Variants in SDK1 observed in about 807,000 individuals in gnomAD.
The protein encoded by SDK1 is protein sidekick-1.
In SDK1, 157 loss-of-function variants were observed where a neutral mutation model predicts 245.5. The observed-to-expected ratio is 0.64, with a 90% CI of 0.56 to 0.73. The LOEUF (loss-of-function observed/expected upper bound fraction) is 0.73, where lower values mean the gene tolerates loss of function less well. SDK1 is among the 30% of genes least tolerant of loss of function. The probability of loss-of-function intolerance (pLI) is 0.00; values close to 1 mark genes in which losing one functional copy is unlikely to be tolerated. For synonymous variants in SDK1, 1,647 were observed against 1,278.5 expected (o/e 1.29, Z -6.15); for missense variants, 3,583 against 3,002.3 (o/e 1.19, Z -4.52).
At chr7:3,654,029 T>A (rs1196324720) in intron 4 of SDK1, among the ~76,000 whole-genome samples, 1 of 152,144 alleles carries the variant, frequency 6.6e-6, no homozygotes, top group Non-Finnish European at 1.5e-5. Context: ...GTAAAAAACG[T>A]TCATCTTTCT....
chr7:4,257,762 G>A (rs1372097965), intron 44 of SDK1, among the ~76,000 whole-genome samples: 1 of 152,188 alleles, frequency 6.6e-6, no homozygotes, highest in Admixed American at 6.5e-5. Flanking sequence ...GGGTCTGTGG[G>A]CACTGGCCAC....
chr7:3,811,343 A>G (rs140077635), intron 4 of SDK1, among the ~76,000 whole-genome samples: 2 of 152,280 alleles, frequency 1.3e-5, no homozygotes, highest in Non-Finnish European at 2.9e-5. Context: ...AAGACAGAAT[A>G]TCATGGTGTC....
intron 4 of SDK1, among the ~76,000 whole-genome samples, chr7:3,797,037 C>T (rs1399430091): frequency 1.3e-5 from 2 of 150,238 alleles, no homozygotes; most frequent in Non-Finnish European, 3.0e-5. Flanking sequence ...CAGGGTCTTG[C>T]TCTGTGTCCT....
chr7:3,438,699 C>G (rs143058309), intron 1 of SDK1, among the ~76,000 whole-genome samples: 1 of 152,278 alleles, frequency 6.6e-6, no homozygotes, highest in Non-Finnish European at 1.5e-5. Context: ...GTTTTTGATT[C>G]TTTCTTTCCT....
Position 3,302,629 on chromosome 7 carries a change from G to A in SDK1, c.298+745G>A, listed in dbSNP as rs114156051. On this transcript the variant is annotated intron_variant, in intron 1 of 44. Transcript: ENST00000404826. ...TTCCCTCCACCCCCTCCCCGCCCCC[G>A]ACAAAACCCGTAACGTACCCCTGCC... is the stretch of plus-strand genomic sequence containing the variant. Among the ~76,000 whole-genome samples, 671 of 99,368 alleles carry A rather than the reference G, an allele frequency of 6.8e-3. 6 individuals are homozygous for A. Among genetic ancestry groups the A allele is most frequent in the African/African-American group, 0.024 (641 of 26,170 alleles). 65.2% of individuals were successfully genotyped at this position (99,368 alleles called of 152,430 possible). A position where few individuals can be genotyped will look rare whatever the true frequency, so the allele number is the denominator to read the frequency against.
rs565628615 is a variant in SDK1, at chr7:3,549,447, G to T, written c.299-69633G>T. On this transcript the variant is annotated intron_variant, in intron 1 of 44. Transcript: ENST00000404826. ...TATCTTAACTTAAAAATTTTAATAT[G>T]CTAAATATCCATGTGCCAAAGGAAA... is the stretch of plus-strand genomic sequence containing the variant. Among the ~76,000 whole-genome samples, 166 of 152,068 alleles carry T rather than the reference G, an allele frequency of 1.1e-3. 1 individual carries two copies. Among genetic ancestry groups the T allele is most frequent in the South Asian group, 7.1e-3 (34 of 4,810 alleles).
intron 44 of SDK1, among the ~76,000 whole-genome samples, chr7:4,253,960 T>G (rs1240000520): frequency 6.6e-6 from 1 of 152,204 alleles, no homozygotes; most frequent in Non-Finnish European, 1.5e-5. Context: ...TTTGATTTCC[T>G]TGTTTTTGCT....
intron 4 of SDK1, among the ~76,000 whole-genome samples, chr7:3,813,409 A>G (rs866600511): frequency 1.4e-5 from 2 of 142,492 alleles, no homozygotes; most frequent in Non-Finnish European, 3.0e-5. Flanking sequence ...ATGATTTCCA[A>G]TTTCATCCAT....
chr7:4,015,838 T>C (rs1365804832), intron 16 of SDK1, among the ~76,000 whole-genome samples: 2 of 152,054 alleles, frequency 1.3e-5, no homozygotes, highest in Non-Finnish European at 2.9e-5. Flanking sequence ...CATCTGCTTA[T>C]CATCATTTGT....
intron 1 of SDK1, among the ~76,000 whole-genome samples, chr7:3,431,452 CAT>C (rs979599579): frequency 7.1e-6 from 1 of 141,692 alleles, no homozygotes; most frequent in African/African-American, 2.7e-5. Context: ...ACTCTGAAAA[CAT>C]ATGCATTGGT....
chr7:3,697,985 C>T (rs972925124), intron 4 of SDK1, among the ~76,000 whole-genome samples: 1 of 152,084 alleles, frequency 6.6e-6, no homozygotes, highest in Non-Finnish European at 1.5e-5. Flanking sequence ...ACCTTGAGAC[C>T]TGATGAATGG....
At chr7:3,933,885 C>G (rs1165552485) in intron 5 of SDK1, among the ~76,000 whole-genome samples, 1 of 152,178 alleles carries the variant, frequency 6.6e-6, no homozygotes, top group African/African-American at 2.4e-5. Flanking sequence ...AACTGAAGCC[C>G]TAAGAAACCT....
At chr7:3,636,264 G>A (rs1788115456) in intron 2 of SDK1, among the ~76,000 whole-genome samples, 1 of 152,060 alleles carries the variant, frequency 6.6e-6, no homozygotes, top group Admixed American at 6.6e-5. Context: ...TTTAAAATAT[G>A]TGATACAGTA....
At chr7:3,591,912 G>T (rs1304656560) in intron 1 of SDK1, among the ~76,000 whole-genome samples, 1 of 152,226 alleles carries the variant, frequency 6.6e-6, no homozygotes, top group African/African-American at 2.4e-5. Flanking sequence ...AAGTTTGAGA[G>T]GACTGGGGTC....
intron 1 of SDK1, among the ~76,000 whole-genome samples, chr7:3,457,399 A>G (rs1780704701): frequency 6.6e-6 from 1 of 152,046 alleles, no homozygotes; most frequent in Non-Finnish European, 1.5e-5. Flanking sequence ...TCCCGAGCCA[A>G]TCCCCACAGA....
intron 2 of SDK1, among the ~76,000 whole-genome samples, chr7:3,626,022 C>T (rs1438528966): frequency 1.4e-5 from 2 of 146,420 alleles, no homozygotes; most frequent in Admixed American, 7.1e-5. Flanking sequence ...TAGCTCATTG[C>T]AGCCTGGAAC....
In SDK1 at chr7:3,637,215, AG is replaced by A. The variant is rs1782487415; in HGVS notation, c.459-1788del. 2.0e-5 allele frequency among the ~76,000 whole-genome samples: 3 copies of A among 152,024 alleles called. No homozygotes were observed. The South Asian group carries it at 6.2e-4, about 32-fold the overall frequency. The stretch of plus-strand genomic sequence containing the variant: ...CGAGTTCAAGTGATTCTCCTGTTTC[AG>A]CCCCCCAGGTAGCTGGGATTACAGG... On this transcript the variant is annotated intron_variant, in intron 2 of 44. Transcript: ENST00000404826.
At chr7:3,581,497 C>T (rs562650823) in intron 1 of SDK1, among the ~76,000 whole-genome samples, 23 of 152,218 alleles carry the variant, frequency 1.5e-4, no homozygotes, top group Admixed American at 5.9e-4. Context: ...CAAAAAATAA[C>T]AGATGTGGGC....
chr7:4,074,801 TG>T (rs200362794), intron 20 of SDK1, among the ~76,000 whole-genome samples: 1,513 of 145,710 alleles, frequency 0.01, 20 homozygotes, highest in African/African-American at 0.032. Context: ...GGTTCAAGGT[TG>T]CAGTGAGCCG....
Sources: gnomAD v4.1 joint callset for allele counts (sites outside exome capture counted in the v4.1 genomes callset) on GRCh38, gnomAD v4.1.1 for gene constraint, MANE v1.5 for transcripts, NCBI Gene and HGNC (gene_info 2026-07-23, HGNC 2026-07-21) for gene names.